RFX1: variants seen among roughly 807,000 people sequenced by gnomAD.
RFX1 encodes MHC class II regulatory factor RFX1.
Under a neutral mutation model 119.6 loss-of-function variants are expected in RFX1, and 42 were observed. The observed-to-expected ratio is 0.35, with a 90% CI of 0.27 to 0.45. The LOEUF (loss-of-function observed/expected upper bound fraction) is 0.45, where lower values mean the gene tolerates loss of function less well. Ranked by LOEUF, RFX1 falls within the 20% of genes least tolerant of loss-of-function variation. The probability of loss-of-function intolerance (pLI) is 1.00; values close to 1 mark genes in which losing one functional copy is unlikely to be tolerated. For missense variants in RFX1, 1,118 were observed against 1,368.1 expected, an observed-to-expected ratio of 0.82 and a Z score of 2.88; for synonymous variants, 628 against 618.5, an observed-to-expected ratio of 1.02 and a Z score of -0.23.
At chr19:13,995,721 C>T (rs1402365650) in intron 1 of RFX1, among the ~76,000 whole-genome samples, 3 of 152,032 alleles carry the variant, frequency 2.0e-5, no homozygotes, top group African/African-American at 7.3e-5. Context: ...CATGGTGGCA[C>T]ATGCCTGTAA....
intron 1 of RFX1, 24 bp from the exon 2 acceptor site, chr19:13,993,919 G>C (rs1599514746): frequency 1.6e-6 from 2 of 1,224,446 alleles, no homozygotes; most frequent in African/African-American, 3.2e-5. Flanking sequence ...ACGGGGATGG[G>C]GGAGAGAAAA....
In RFX1 at chr19:13,972,881, C is replaced by T. The variant is rs775428436; in HGVS notation, c.1176G>A (p.Gly392=). ...CACTGCCACCCCCGCCACCGCCTCC[C>T]CCGCCGCCGCCGCCACCACCACTGC... ...GGGSGGGGGG[G]GGGGGGGSGS... Residue 392 remains glycine (G), a synonymous_variant, in exon 9 of 21, where the codon GGG becomes GGA. Transcript: ENST00000254325. 1.4e-5 allele frequency: 22 copies of T among 1,557,936 alleles called. No homozygotes were observed. The highest frequency in any genetic ancestry group is 1.7e-5 in the Non-Finnish European group (20 of 1,157,546).
At position 13,969,028 on chromosome 19, in the gene RFX1, G is replaced by T. The variant is rs1297331131; in HGVS notation, c.1497-134C>A. On this transcript the variant is annotated intron_variant, in intron 10 of 20. Transcript: ENST00000254325. This position sits in a 1 kb window ranked among gnomAD's most constrained non-coding sequence, Gnocchi z 4.5. ...AGACGCCTGCCCTGCAGAGACGGGG[G>T]TGCTGCACTGAGGAGGCACAGGGGC... The T allele has an allele frequency of 3.9e-6, 4 of 1,012,776 alleles. No individual in the cohort carries two copies. Among genetic ancestry groups the T allele is most frequent in the Admixed American group, 2.6e-5 (1 of 39,000 alleles). 62.7% of individuals were successfully genotyped at this position (1,012,776 alleles called of 1,614,324 possible).
At chr19:13,967,365 G>A (rs1417715348) in intron 12 of RFX1, among the ~76,000 whole-genome samples, 1 of 151,280 alleles carries the variant, frequency 6.6e-6, no homozygotes, top group East Asian at 1.9e-4. Context: ...TTTAAGAGAT[G>A]GGGTCTTGCT....
At chr19:13,970,414 C>T (rs1974042845) in intron 9 of RFX1, among the ~76,000 whole-genome samples, 3 of 152,104 alleles carry the variant, frequency 2.0e-5, no homozygotes, top group African/African-American at 7.2e-5. Context: ...ACGGCTCACC[C>T]CTTTAGTTCC....
Position 13,970,067 on chromosome 19 carries a change from C to T in RFX1, c.1423G>A (p.Val475Ile), listed in dbSNP as rs772430581. The change falls in exon 10 of 21, where the codon GTC becomes ATC. Residue 475 changes from valine to isoleucine, a missense_variant. Around this residue, in one of 5 missense-constraint regions of RFX1, gnomAD observed 338 missense variants for 508.9 expected, o/e 0.66. Coordinates refer to ENST00000254325, the MANE Select transcript of RFX1 (RefSeq NM_002918.5). ...LHCQEQKLEP[V>I]NAASFGKLIR... The stretch of plus-strand genomic sequence containing the variant: ...AGCTTGCCGAAGGAGGCGGCGTTGA[C>T]GGGCTCCAGCTTCTGCTCCTGGCAG... The T allele has an allele frequency of 3.5e-5, 56 of 1,614,010 alleles. No homozygotes were observed. The highest frequency in any genetic ancestry group is 2.9e-4 in the East Asian group (13 of 44,898).
chr19:13,975,984 G>A (rs764748924), intron 8 of RFX1, among the ~76,000 whole-genome samples: 1 of 152,258 alleles, frequency 6.6e-6, no homozygotes, highest in Non-Finnish European at 1.5e-5. Flanking sequence ...ATCACTGAGA[G>A]AGGAATTCAG....
At chr19:13,997,110 C>T (rs1297044646) in intron 1 of RFX1, among the ~76,000 whole-genome samples, 1 of 152,192 alleles carries the variant, frequency 6.6e-6, no homozygotes, top group African/African-American at 2.4e-5. Flanking sequence ...GTTACGCCCC[C>T]TGCCCAAGGC....
At chr19:13,974,682 C>G (rs1490613020) in intron 8 of RFX1, among the ~76,000 whole-genome samples, 1 of 152,156 alleles carries the variant, frequency 6.6e-6, no homozygotes, top group African/African-American at 2.4e-5. Flanking sequence ...GGGCACCTCT[C>G]ACCATCTCGC....
At chr19:14,005,894 C>T (rs1164734450) in intron 1 of RFX1, among the ~76,000 whole-genome samples, 6 of 151,718 alleles carry the variant, frequency 4.0e-5, no homozygotes, top group Admixed American at 1.3e-4. Flanking sequence ...TGCGAGCGCC[C>T]GCCCCTCGCG....
intron 1 of RFX1, among the ~76,000 whole-genome samples, chr19:14,000,260 C>T (rs992779047): frequency 7.9e-5 from 12 of 152,022 alleles, no homozygotes; most frequent in Middle Eastern, 3.4e-3. Flanking sequence ...CTGAGGCGGG[C>T]GGATCATTTG....
intron 7 of RFX1, among the ~76,000 whole-genome samples, chr19:13,978,728 C>T (rs897689187): frequency 2.6e-5 from 4 of 152,152 alleles, no homozygotes; most frequent in African/African-American, 7.2e-5. Context: ...CGCTGCCCCC[C>T]GCCCGTGCGT....
intron 8 of RFX1, 65 bp downstream of exon 8, chr19:13,977,927 C>T: frequency 1.6e-6 from 2 of 1,276,054 alleles, no homozygotes; most frequent in South Asian, 2.6e-5. Context: ...GACTGGTGTC[C>T]TGGGAGACTG....
intron 16 of RFX1, among the ~76,000 whole-genome samples, chr19:13,964,932 G>C (rs2145533179): frequency 6.6e-6 from 1 of 152,276 alleles, no homozygotes; most frequent in East Asian, 1.9e-4. Context: ...CCTGGATCTG[G>C]CATCTACTGT....
chr19:13,973,732 G>A (rs1160885554), intron 8 of RFX1, among the ~76,000 whole-genome samples: 1 of 152,154 alleles, frequency 6.6e-6, no homozygotes. Flanking sequence ...CTGGGTTCAA[G>A]CTATCCTCCT....
intron 8 of RFX1, among the ~76,000 whole-genome samples, chr19:13,974,586 C>A (rs989657701): frequency 6.6e-6 from 1 of 152,080 alleles, no homozygotes; most frequent in African/African-American, 2.4e-5. Context: ...ACCGTGTGAC[C>A]GAACAATAGG....
At position 13,963,959 on chromosome 19, in the gene RFX1, G is replaced by A. The variant is rs1359720795; in HGVS notation, c.2260C>T (p.Leu754Phe). 6.5e-7 allele frequency: 1 copy of A among 1,541,988 alleles called. No individual in the cohort carries two copies. Among genetic ancestry groups the A allele is most frequent in the Non-Finnish European group, 8.7e-7 (1 of 1,147,274 alleles). The change falls in exon 17 of 21, where the codon CTC becomes TTC. Residue 754 changes from leucine to phenylalanine, a missense_variant. Leu to Phe is a conservative substitution (Grantham distance 22). Coordinates refer to ENST00000254325, the MANE Select transcript of RFX1 (RefSeq NM_002918.5). ...FAQTLRRYTS[L>F]NHLAQAARAV... is the part of the protein sequence containing the mutation. ...CGCGCCGCCTGCGCCAGGTGGTTGAGCGACGTGTAGCGCCGCAGTGTCTGC... is the reference window on the plus strand; with the variant it reads ...CGCGCCGCCTGCGCCAGGTGGTTGAACGACGTGTAGCGCCGCAGTGTCTGC...
At position 13,985,237 on chromosome 19, in the gene RFX1, G is replaced by A. The variant is rs555713664; in HGVS notation, c.320-1642C>T. Among the ~76,000 whole-genome samples, 6 of 151,296 alleles carry A rather than the reference G, an allele frequency of 4.0e-5. No homozygotes were observed. Among genetic ancestry groups the A allele is most frequent in the Non-Finnish European group, 5.9e-5 (4 of 67,872 alleles). On this transcript the variant is annotated intron_variant, in intron 2 of 20. Coordinates refer to ENST00000254325, the MANE Select transcript of RFX1 (RefSeq NM_002918.5). This position sits in a 1 kb window ranked among gnomAD's most constrained non-coding sequence, Gnocchi z 4.3. ...CAGTTGCCCAGGCTGGAGTGCAGTGGCGCAATCTCTGCTCACTGAAATCTC... is the reference window on the plus strand; with the variant it reads ...CAGTTGCCCAGGCTGGAGTGCAGTGACGCAATCTCTGCTCACTGAAATCTC...
chr19:13,963,186 T>C lies in RFX1; in HGVS notation c.2660A>G (p.Tyr887Cys). 6.2e-7 allele frequency: 1 copy of C among 1,612,628 alleles called. No individual in the cohort carries two copies. The highest frequency in any genetic ancestry group is 8.5e-7 in the Non-Finnish European group (1 of 1,179,420). ...GGCTACGCGGTGCTCGATCAGGTAG[T>C]ACATGTACTCGTCGTAGAGCAGCCG... ...LIRLLYDEYM[Y>C]YLIEHRVAQA... Residue 887 changes from tyrosine to cysteine, a missense_variant, in exon 19 of 21, where the codon TAC becomes TGC. Physicochemically the swap from Tyr to Cys is radical, Grantham distance 194 (BLOSUM62 -2). Around this residue, in one of 5 missense-constraint regions of RFX1, gnomAD observed 32 missense variants for 71.5 expected, o/e 0.45. Transcript: ENST00000254325.
Sources: gnomAD v4.1 joint callset for allele counts (sites outside exome capture counted in the v4.1 genomes callset) on GRCh38, gnomAD v4.1.1 for gene constraint, gnomAD v4.1.1 regional missense constraint, Gnocchi (gnomAD v3.1) non-coding constraint, MANE v1.5 for transcripts, NCBI Gene and HGNC (gene_info 2026-07-23, HGNC 2026-07-21) for gene names.